The following F13A1 variants were observed in gnomAD, a reference collection of about 807,000 sequenced individuals.
F13A1 encodes the protein FSF, A subunit.
Under a neutral mutation model 80.1 loss-of-function variants are expected in F13A1, and 47 were observed. That is an observed-to-expected ratio of 0.59 (90% CI 0.46 to 0.75). The LOEUF (loss-of-function observed/expected upper bound fraction) is 0.75, where lower values mean the gene tolerates loss of function less well. F13A1 is among the 30% of genes least tolerant of loss of function. F13A1 has a pLI of 0.00. For synonymous variants in F13A1, 349 were observed against 344.9 expected (o/e 1.01, Z -0.13); for missense variants, 817 against 930.4 (o/e 0.88, Z 1.59).
chr6:6,165,131 ATC>A (rs1216846739), intron 13 of F13A1, among the ~76,000 whole-genome samples: 3 of 152,150 alleles, frequency 2.0e-5, no homozygotes, highest in Non-Finnish European at 2.9e-5. Context: ...CAGAATCTCC[ATC>A]TCTCTCATGC....
chr6:6,271,685 C>T (rs1018750333), intron 3 of F13A1, among the ~76,000 whole-genome samples: 1 of 152,180 alleles, frequency 6.6e-6, no homozygotes, highest in Non-Finnish European at 1.5e-5. Context: ...TGCATTTTTT[C>T]ACACTTATCA....
At chr6:6,269,456 C>G (rs181394056) in intron 3 of F13A1, among the ~76,000 whole-genome samples, 132 of 151,672 alleles carry the variant, frequency 8.7e-4, no homozygotes, top group Middle Eastern at 6.8e-3. Context: ...AAACCTTGAG[C>G]TGACTGATTT....
intron 6 of F13A1, 83 bp from the exon 7 acceptor site, chr6:6,224,943 C>T: frequency 7.2e-7 from 1 of 1,389,462 alleles, no homozygotes; most frequent in Non-Finnish European, 1.0e-6. Context: ...CAAGCTATGG[C>T]TGCCATTGCC....
intron 3 of F13A1, 181 bp downstream of exon 3, chr6:6,305,170 T>C (rs1039132527): frequency 1.4e-6 from 1 of 703,890 alleles, no homozygotes; most frequent in South Asian, 1.6e-5. Flanking sequence ...GCCCAAGTTA[T>C]CAATATTTGG....
intron 8 of F13A1, among the ~76,000 whole-genome samples, chr6:6,217,576 C>A (rs1250295734): frequency 6.6e-6 from 1 of 151,568 alleles, no homozygotes; most frequent in Non-Finnish European, 1.5e-5. Context: ...ATACCTAATG[C>A]TGGATGACGA....
chr6:6,182,951 A>G (rs1307707348), intron 10 of F13A1, among the ~76,000 whole-genome samples: 1 of 152,222 alleles, frequency 6.6e-6, no homozygotes, highest in South Asian at 2.1e-4. Flanking sequence ...CAGCAACTAA[A>G]ATGTGCTATT....
chr6:6,206,012 C>T (rs1249361032), intron 8 of F13A1, among the ~76,000 whole-genome samples: 1 of 152,036 alleles, frequency 6.6e-6, no homozygotes, highest in African/African-American at 2.4e-5. Context: ...CCTGACTGAA[C>T]ATGAAGAAAA....
At chr6:6,263,122 A>C (rs1479310841) in intron 4 of F13A1, among the ~76,000 whole-genome samples, 1 of 151,990 alleles carries the variant, frequency 6.6e-6, no homozygotes, top group African/African-American at 2.4e-5. Flanking sequence ...ATAAAATAAC[A>C]CCCACTCTCT....
At position 6,254,547 on chromosome 6, in the gene F13A1, T is replaced by A. The variant is rs191235477; in HGVS notation, c.572-3618A>T. Among the ~76,000 whole-genome samples the A allele has an allele frequency of 9.9e-3, 1,510 of 152,258 alleles. 30 individuals carry two copies. The highest frequency in any genetic ancestry group is 0.034 in the African/African-American group (1,431 of 41,516). Reference sequence around the variant, plus strand: ...GTTGACACAATCTCTTTTGTGGTTTTAAAAAACCTAAATTCTCTAGGTATA... The same window carrying A: ...GTTGACACAATCTCTTTTGTGGTTTAAAAAAACCTAAATTCTCTAGGTATA... On this transcript the variant is annotated intron_variant, in intron 4 of 14. Transcript: ENST00000264870.
At chr6:6,252,198 G>A (rs35485861) in intron 4 of F13A1, among the ~76,000 whole-genome samples, 2,621 of 152,228 alleles carry the variant, frequency 0.017, 29 homozygotes, top group Non-Finnish European at 0.023. Flanking sequence ...AGATGAAGAG[G>A]ATTACTCTAG....
At chr6:6,210,192 T>C (rs182366813) in intron 8 of F13A1, among the ~76,000 whole-genome samples, 19 of 151,538 alleles carry the variant, frequency 1.3e-4, no homozygotes, top group African/African-American at 7.3e-5. Flanking sequence ...ATCTTGCCAT[T>C]GCAATCCAGC....
Position 6,305,369 on chromosome 6 carries a change from T to C in F13A1, c.301A>G (p.Arg101Gly). 1 of 1,614,186 alleles carries C rather than the reference T, an allele frequency of 6.2e-7. No homozygotes were observed. The highest frequency in any genetic ancestry group is 2.2e-5 in the East Asian group (1 of 44,874). The change falls in exon 3 of 15, where the codon AGG (arginine) becomes GGG (glycine). Residue 101 changes from arginine (R) to glycine (G), a missense_variant. Transcript: ENST00000264870. ...RPYDPRRDLF[R>G]VEYVIGRYPQ... ...CACTCACCAATGACGTATTCCACCC[T>C]GAAGAGATCCCTTCTGGGGTCATAT...
intron 6 of F13A1, among the ~76,000 whole-genome samples, chr6:6,228,172 C>T (rs577721978): frequency 1.2e-4 from 19 of 152,222 alleles, no homozygotes; most frequent in South Asian, 2.1e-4. Flanking sequence ...TCCAGGACTA[C>T]GTACAGGAGG....
intron 4 of F13A1, among the ~76,000 whole-genome samples, chr6:6,255,514 G>A (rs188718964): frequency 1.3e-5 from 2 of 152,092 alleles, no homozygotes; most frequent in East Asian, 3.9e-4. Flanking sequence ...CCCCAACACT[G>A]TGCCTTGGAA....
rs956936132 is a variant in F13A1 at position 6,320,644 on chromosome 6, G to T, written c.-76C>A. On this transcript the variant is annotated 5_prime_UTR_variant, in exon 1 of 15. Transcript: ENST00000264870. ...GTGGGCTTGCTCTGTGCGCCTCGGG[G>T]ACTTCCTCAAACGGACTCGGGAAAG... The T allele has an allele frequency of 1.1e-5, 5 of 470,330 alleles. No homozygotes were observed. Among genetic ancestry groups the T allele is most frequent in the Admixed American group, 9.4e-5 (4 of 42,458 alleles). The allele number at this position is 470,330 out of a possible 1,614,324, so 29.1% of individuals were successfully genotyped here.
At chr6:6,185,035 C>T (rs888837981) in intron 10 of F13A1, among the ~76,000 whole-genome samples, 12 of 152,020 alleles carry the variant, frequency 7.9e-5, no homozygotes, top group African/African-American at 1.4e-4. Flanking sequence ...AATCAATTGA[C>T]GCTCTATGGT....
At chr6:6,147,423 A>G (rs180834109) in intron 14 of F13A1, among the ~76,000 whole-genome samples, 82 of 152,342 alleles carry the variant, frequency 5.4e-4, no homozygotes, top group Admixed American at 8.5e-4. Flanking sequence ...GGAAGTGTTC[A>G]TGGAGGATTC....
chr6:6,300,573 G>T (rs1758412295), intron 3 of F13A1, among the ~76,000 whole-genome samples: 2 of 152,092 alleles, frequency 1.3e-5, no homozygotes, highest in African/African-American at 4.8e-5. Flanking sequence ...CACTTCCTGA[G>T]TGAGGCAATG....
At chr6:6,244,290 T>C (rs1413354959) in intron 6 of F13A1, among the ~76,000 whole-genome samples, 1 of 152,242 alleles carries the variant, frequency 6.6e-6, no homozygotes, top group East Asian at 1.9e-4. Flanking sequence ...AAAGCAGCAA[T>C]CAAGCAATGC....
Sources: allele counts gnomAD v4.1 joint callset (sites outside exome capture counted in the v4.1 genomes callset), GRCh38; gene constraint gnomAD v4.1.1; transcripts MANE v1.5; gene names NCBI Gene and HGNC (gene_info 2026-07-23, HGNC 2026-07-21).